The following LRPPRC variants were observed in gnomAD, a reference collection of about 807,000 sequenced individuals.
LRPPRC encodes the protein leucine-rich PPR motif-containing protein, mitochondrial.
Under a neutral mutation model 180.3 loss-of-function variants are expected in LRPPRC, and 120 were observed. The ratio of observed to expected loss-of-function variants is 0.67; its 90% CI spans 0.57 to 0.77. LRPPRC has a LOEUF of 0.77. Ranked by LOEUF, LRPPRC falls within the 30% of genes least tolerant of loss-of-function variation. The probability of loss-of-function intolerance (pLI) is 0.00; values close to 1 mark genes in which losing one functional copy is unlikely to be tolerated. For missense variants in LRPPRC, 2,012 were observed against 1,657.2 expected (o/e 1.21, Z -3.72); for synonymous variants, 723 against 600.0 (o/e 1.21, Z -3.00).
chr2:43,912,350 C>G, intron 30 of LRPPRC, 82 bp downstream of exon 30: 1 of 1,268,850 alleles, frequency 7.9e-7, no homozygotes, highest in Non-Finnish European at 1.1e-6. Context: ...TACTACACAG[C>G]ACATTACTAT....
At position 43,947,370 on chromosome 2, in the gene LRPPRC, T is replaced by C. The variant is rs371286969; in HGVS notation, c.1966A>G (p.Thr656Ala). Residue 656 changes from threonine to alanine, a missense_variant and splice_region_variant, in exon 20 of 38, where the codon ACT (threonine) becomes GCT (alanine). Thr to Ala is a moderately conservative substitution (Grantham distance 58, BLOSUM62 0). Coordinates refer to ENST00000260665, the MANE Select transcript of LRPPRC (RefSeq NM_133259.4). Reference protein sequence around the residue: ...VESKNLDFQKTVQLTSSELES... With the variant: ...VESKNLDFQKAVQLTSSELES... ...AATTCAGATGATGTAAGTTGCACAG[T>C]CTACAGAAAAGAAAAAAGAAAAGAA... 2.7e-6 allele frequency: 4 copies of C among 1,495,918 alleles called. No individual in the cohort carries two copies. Among genetic ancestry groups the C allele is most frequent in the Non-Finnish European group, 3.7e-6 (4 of 1,074,120 alleles). 92.7% of individuals were successfully genotyped at this position (1,495,918 alleles called of 1,614,324 possible). A position where few individuals can be genotyped will look rare whatever the true frequency, so the allele number is the denominator to read the frequency against.
intron 25 of LRPPRC, among the ~76,000 whole-genome samples, chr2:43,929,775 G>A (rs1452933987): frequency 2.0e-5 from 3 of 152,086 alleles, no homozygotes; most frequent in Non-Finnish European, 4.4e-5. Context: ...TAGACTTGAA[G>A]ACCATGTATA....
chr2:43,923,954 C>G (rs1241462328), intron 27 of LRPPRC, among the ~76,000 whole-genome samples: 1 of 152,068 alleles, frequency 6.6e-6, no homozygotes, highest in Non-Finnish European at 1.5e-5. Context: ...CATTCAATAC[C>G]AAACTCAGCA....
At chr2:43,934,693 T>A (rs945189978) in intron 24 of LRPPRC, 61 bp downstream of exon 24, 1 of 1,492,438 alleles carries the variant, frequency 6.7e-7, no homozygotes, top group Non-Finnish European at 9.3e-7. Flanking sequence ...AACAATACAC[T>A]AAGATTAAAT....
chr2:43,894,438 GAAGACT>G lies in LRPPRC; in HGVS notation c.3985+101_3985+106del, dbSNP rs1670608506. The stretch of plus-strand genomic sequence containing the variant: ...TATTTAGGATTACTGCCTTTGAGCT[GAAGACT>G]AAGACTTAGTTCACTATACTACAAG... On this transcript the variant is annotated intron_variant, in intron 36 of 37. Transcript: ENST00000260665. The G allele has an allele frequency of 1.7e-5, 11 of 661,376 alleles. 1 individual carries two copies. The South Asian group carries it at 1.8e-4, about 11-fold the overall frequency. 41.0% of individuals were successfully genotyped at this position (661,376 alleles called of 1,614,324 possible).
chr2:43,995,648 G>A (rs1675017491), intron 1 of LRPPRC, 151 bp downstream of exon 1: 2 of 715,406 alleles, frequency 2.8e-6, no homozygotes, highest in Non-Finnish European at 4.1e-6. Flanking sequence ...AAAACCCCTG[G>A]TAGGGAGCGT....
chr2:43,996,093 G>T (rs1370944675), upstream of LRPPRC: 8 of 684,962 alleles, frequency 1.2e-5, no homozygotes, highest in Non-Finnish European at 1.9e-5. Flanking sequence ...GTTGGAAGAT[G>T]GAAAACCGCA....
intron 25 of LRPPRC, among the ~76,000 whole-genome samples, chr2:43,931,900 T>G (rs972191671): frequency 6.6e-6 from 1 of 151,936 alleles, no homozygotes; most frequent in East Asian, 1.9e-4. Context: ...CCCTCCTTCC[T>G]TTCCTTCTCA....
rs532442637 is a variant in LRPPRC at position 43,963,472 on chromosome 2, A to C, written c.1488+116T>G. 5 of 765,612 alleles carry C rather than the reference A, an allele frequency of 6.5e-6. No homozygotes were observed. The South Asian group carries it at 7.1e-5, about 11-fold the overall frequency. The allele number at this position is 765,612 out of a possible 1,614,324, so 47.4% of individuals were successfully genotyped here. A position where few individuals can be genotyped will look rare whatever the true frequency, so the allele number is the denominator to read the frequency against. ...AAAAAAGAAAAAAAGAAAATTGTATACAGATTTGACCATTTTGAGTCCTCA... is the reference window on the plus strand; with the variant it reads ...AAAAAAGAAAAAAAGAAAATTGTATCCAGATTTGACCATTTTGAGTCCTCA... On this transcript the variant is annotated intron_variant, in intron 12 of 37. Coordinates refer to ENST00000260665, the MANE Select transcript of LRPPRC (RefSeq NM_133259.4).
intron 13 of LRPPRC, among the ~76,000 whole-genome samples, chr2:43,960,022 A>G (rs1183716043): frequency 6.6e-6 from 1 of 152,230 alleles, no homozygotes; most frequent in East Asian, 1.9e-4. Context: ...TCATCTATCA[A>G]TGGAGATAAT....
At chr2:43,976,390 T>C (rs1674056096) in intron 5 of LRPPRC, among the ~76,000 whole-genome samples, 161 bp from the exon 6 acceptor site, 1 of 152,148 alleles carries the variant, frequency 6.6e-6, no homozygotes, top group South Asian at 2.1e-4. Context: ...TTTGATCCCC[T>C]TCCCACAAAA....
intron 2 of LRPPRC, among the ~76,000 whole-genome samples, chr2:43,981,427 A>G (rs1283226909): frequency 6.6e-6 from 1 of 152,144 alleles, no homozygotes; most frequent in Non-Finnish European, 1.5e-5. Flanking sequence ...TTGGGAGGCC[A>G]AGGCGGGTGG....
chr2:43,949,597 G>C lies in LRPPRC; in HGVS notation c.1735+5C>G, dbSNP rs373476696. 4 of 1,611,884 alleles carry C rather than the reference G, an allele frequency of 2.5e-6. No homozygotes were observed. On this transcript the variant is annotated splice_donor_5th_base_variant and intron_variant, in intron 16 of 37. Transcript: ENST00000260665. ...AAGTTACAATCATCGAAATTGAAACGCTACCCGTCGGTCCTCGAGGCTCCT... is the reference window on the plus strand; with the variant it reads ...AAGTTACAATCATCGAAATTGAAACCCTACCCGTCGGTCCTCGAGGCTCCT...
intron 15 of LRPPRC, 78 bp from the exon 16 acceptor site, chr2:43,949,737 A>T (rs1672827468): frequency 9.1e-6 from 9 of 987,644 alleles, no homozygotes; most frequent in Non-Finnish European, 1.5e-5. Flanking sequence ...GAATTCTTGA[A>T]ATAATAAAAC....
chr2:43,995,180 G>A (rs1329491337), intron 1 of LRPPRC, among the ~76,000 whole-genome samples: 3 of 152,182 alleles, frequency 2.0e-5, no homozygotes, highest in Non-Finnish European at 2.9e-5. Context: ...AGCGGAAGTT[G>A]CAGTGAGCTG....
At chr2:43,975,018 C>T in intron 7 of LRPPRC, 73 bp downstream of exon 7, 1 of 1,480,558 alleles carries the variant, frequency 6.8e-7, no homozygotes, top group Non-Finnish European at 9.4e-7. Flanking sequence ...CTTCACTTTC[C>T]TGCCTCATGT....
intron 12 of LRPPRC, among the ~76,000 whole-genome samples, chr2:43,961,524 A>G (rs969924128): frequency 3.3e-5 from 5 of 152,234 alleles, no homozygotes; most frequent in Non-Finnish European, 2.9e-5. Context: ...ATACATGCTA[A>G]GCAATGACTA....
rs766034173 is a variant in LRPPRC, at chr2:43,982,408, T to C, written c.176A>G (p.Tyr59Cys). Residue 59 changes from tyrosine to cysteine, a missense_variant, in exon 2 of 38, where the codon TAT (tyrosine) becomes TGT (cysteine). Physicochemically the swap from Tyr to Cys is radical, Grantham distance 194. Coordinates refer to ENST00000260665, the MANE Select transcript of LRPPRC (RefSeq NM_133259.4). The part of the protein sequence containing the change: ...AGGLLSPARL[Y>C]AIAAKEKDIQ... Reference sequence around the variant, plus strand: ...ATCTTTTTCTTTGGCAGCAATGGCATACAGCCTGGCTGGGCTCAGTAGTCC... The same window carrying C: ...ATCTTTTTCTTTGGCAGCAATGGCACACAGCCTGGCTGGGCTCAGTAGTCC... 1.9e-5 allele frequency: 30 copies of C among 1,613,956 alleles called. No individual in the cohort carries two copies. In the South Asian group the frequency reaches 3.0e-4, roughly 16 times the overall value.
Position 43,915,557 on chromosome 2 carries a change from G to A in LRPPRC, c.3148+2468C>T, listed in dbSNP as rs923375741. On this transcript the variant is annotated intron_variant, in intron 29 of 37. Transcript: ENST00000260665. ...AAACTAGCCGGGCGTGGTGGTGTGC[G>A]CCTGTAGTCCCAGCTACTTGAGAGG... Among the ~76,000 whole-genome samples, 17 of 152,084 alleles carry A rather than the reference G, an allele frequency of 1.1e-4. No individual in the cohort carries two copies. The East Asian group carries it at 1.9e-3, about 17-fold the overall frequency.
Sources: allele counts gnomAD v4.1 joint callset (sites outside exome capture counted in the v4.1 genomes callset), GRCh38; gene constraint gnomAD v4.1.1; transcripts MANE v1.5; gene names NCBI Gene and HGNC (gene_info 2026-07-23, HGNC 2026-07-21).